The following INSYN2B variants were observed in gnomAD, a reference collection of about 807,000 sequenced individuals.
The protein encoded by INSYN2B is inhibitory synaptic factor family member 2B.
Under a neutral mutation model 41.2 loss-of-function variants are expected in INSYN2B, and 16 were observed. The ratio of observed to expected loss-of-function variants is 0.39; its 90% CI spans 0.26 to 0.59. The LOEUF (loss-of-function observed/expected upper bound fraction) is 0.59. Ranked by LOEUF, INSYN2B falls within the 20% of genes least tolerant of loss-of-function variation. INSYN2B has a pLI of 0.57. For synonymous variants in INSYN2B, 245 were observed against 244.4 expected, an observed-to-expected ratio of 1.00 and a Z score of -0.02; for missense variants, 608 against 646.4, an observed-to-expected ratio of 0.94 and a Z score of 0.64.
chr5:169,892,878 C>T (rs1773377799), intron 1 of INSYN2B, among the ~76,000 whole-genome samples: 1 of 151,918 alleles, frequency 6.6e-6, no homozygotes, highest in Admixed American at 6.6e-5. Flanking sequence ...TTGTGTTTCC[C>T]TCTGTCTTCA....
intron 1 of INSYN2B, among the ~76,000 whole-genome samples, chr5:169,887,383 C>A (rs1773032966): frequency 6.6e-6 from 1 of 151,994 alleles, no homozygotes; most frequent in South Asian, 2.1e-4. Flanking sequence ...AAAAAATCAC[C>A]TGAAATCTTA....
At chr5:169,976,219 C>T (rs190815567) in intron 1 of INSYN2B, among the ~76,000 whole-genome samples, 13 of 152,292 alleles carry the variant, frequency 8.5e-5, no homozygotes, top group African/African-American at 2.9e-4. Context: ...AAATCTCTGC[C>T]CATGAGAGTG....
chr5:169,875,317 G>T (rs1418998397), intron 3 of INSYN2B: 1 of 456,680 alleles, frequency 2.2e-6, no homozygotes, highest in Admixed American at 2.3e-5. Flanking sequence ...AGTTTCCATA[G>T]ACACCCAGGA....
chr5:169,874,440 G>A (rs1044143696), intron 3 of INSYN2B, among the ~76,000 whole-genome samples: 2 of 150,524 alleles, frequency 1.3e-5, no homozygotes, highest in Non-Finnish European at 3.0e-5. Flanking sequence ...AAAGCAATTG[G>A]TGGTCTGTGG....
intron 1 of INSYN2B, among the ~76,000 whole-genome samples, chr5:169,927,046 G>T: frequency 6.6e-6 from 1 of 152,198 alleles, no homozygotes; most frequent in East Asian, 1.9e-4. Flanking sequence ...GCTTCCCAGG[G>T]TGCCAGACCA....
At chr5:169,906,956 T>G (rs759439877) in intron 1 of INSYN2B, among the ~76,000 whole-genome samples, 4 of 152,166 alleles carry the variant, frequency 2.6e-5, no homozygotes, top group Non-Finnish European at 5.9e-5. Context: ...AAATATTTAT[T>G]GAGTTCTGCT....
At chr5:169,895,401 A>C (rs1561803452) in intron 1 of INSYN2B, among the ~76,000 whole-genome samples, 1 of 152,090 alleles carries the variant, frequency 6.6e-6, no homozygotes, top group Non-Finnish European at 1.5e-5. Flanking sequence ...TAGGAAAGGC[A>C]CTGAGCTGGG....
At chr5:169,922,915 A>G (rs1415780219) in intron 1 of INSYN2B, among the ~76,000 whole-genome samples, 1 of 152,222 alleles carries the variant, frequency 6.6e-6, no homozygotes, top group Non-Finnish European at 1.5e-5. Context: ...AAACACCTGT[A>G]CAGTACAGTG....
chr5:169,915,889 G>A (rs748646835), intron 1 of INSYN2B, among the ~76,000 whole-genome samples: 1 of 152,046 alleles, frequency 6.6e-6, no homozygotes, highest in Non-Finnish European at 1.5e-5. Context: ...CTGATTAAAT[G>A]GTATACATTG....
chr5:169,937,840 C>G (rs1236792129), intron 1 of INSYN2B, among the ~76,000 whole-genome samples: 1 of 152,222 alleles, frequency 6.6e-6, no homozygotes, highest in Non-Finnish European at 1.5e-5. Context: ...ACTGACAACA[C>G]TGAAATCAAA....
At chr5:169,968,230 G>A (rs1777373160) in intron 1 of INSYN2B, among the ~76,000 whole-genome samples, 1 of 152,186 alleles carries the variant, frequency 6.6e-6, no homozygotes, top group Admixed American at 6.5e-5. Flanking sequence ...ATGGCTCAAG[G>A]CATTCAGCTA....
intron 3 of INSYN2B, among the ~76,000 whole-genome samples, chr5:169,865,358 G>T (rs1771481350): frequency 6.6e-6 from 1 of 152,178 alleles, no homozygotes; most frequent in South Asian, 2.1e-4. Context: ...CCTGTAGGGA[G>T]TGGGTGCTGA....
chr5:169,922,709 A>T, intron 1 of INSYN2B, among the ~76,000 whole-genome samples: 1 of 152,214 alleles, frequency 6.6e-6, no homozygotes, highest in East Asian at 1.9e-4. Flanking sequence ...CTTGAGCTGG[A>T]GCCAGATCCT....
chr5:169,923,909 C>T lies in INSYN2B; in HGVS notation c.-918-39093G>A, dbSNP rs77874915. On this transcript the variant is annotated intron_variant, in intron 1 of 3. Transcript: ENST00000377365. ...TAAGATGGAAGTTTTGTGGGATAAG[C>T]AATCTGCTGCTCCCTTGGAGAATTC... Among the ~76,000 whole-genome samples, 881 of 152,310 alleles carry T rather than the reference C, an allele frequency of 5.8e-3. 3 individuals carry two copies. The highest frequency in any genetic ancestry group is 0.014 in the Middle Eastern group (4 of 294).
intron 1 of INSYN2B, among the ~76,000 whole-genome samples, chr5:169,919,647 G>C (rs534519029): frequency 2.0e-5 from 3 of 152,168 alleles, no homozygotes; most frequent in African/African-American, 7.2e-5. Flanking sequence ...GACAGTTATC[G>C]TGGGGTCTTT....
chr5:169,943,035 G>T (rs904207885), intron 1 of INSYN2B, among the ~76,000 whole-genome samples: 1 of 152,210 alleles, frequency 6.6e-6, no homozygotes, highest in Admixed American at 6.5e-5. Flanking sequence ...AATAAGTATA[G>T]GAATGTGTTG....
At chr5:169,935,047 A>C (rs1273891641) in intron 1 of INSYN2B, among the ~76,000 whole-genome samples, 2 of 152,188 alleles carry the variant, frequency 1.3e-5, no homozygotes, top group African/African-American at 2.4e-5. Context: ...AATTAATAGA[A>C]AGAGCACTGG....
At chr5:169,915,783 A>G (rs1050745693) in intron 1 of INSYN2B, among the ~76,000 whole-genome samples, 1 of 152,202 alleles carries the variant, frequency 6.6e-6, no homozygotes, top group African/African-American at 2.4e-5. Flanking sequence ...GAGTCTACAT[A>G]TGGAAATCAA....
intron 1 of INSYN2B, among the ~76,000 whole-genome samples, chr5:169,960,478 C>T (rs1355285570): frequency 6.6e-6 from 1 of 152,134 alleles, no homozygotes; most frequent in African/African-American, 2.4e-5. Flanking sequence ...GCTCAAATCT[C>T]ATATACTCAA....
Sources: allele counts gnomAD v4.1 joint callset (sites outside exome capture counted in the v4.1 genomes callset), GRCh38; gene constraint gnomAD v4.1.1; transcripts MANE v1.5; gene names NCBI Gene and HGNC (gene_info 2026-07-23, HGNC 2026-07-21).